MBP: variants seen among roughly 807,000 people sequenced by gnomAD.
The protein encoded by MBP is myelin basic protein, also known as Golli-MBP.
Under a neutral mutation model 35.8 loss-of-function variants are expected in MBP, and 16 were observed. The ratio of observed to expected loss-of-function variants is 0.45; its 90% CI spans 0.30 to 0.68. The LOEUF (loss-of-function observed/expected upper bound fraction) is 0.68. MBP is among the 30% of genes least tolerant of loss of function. The pLI is 0.08. For synonymous variants in MBP, 143 were observed against 159.6 expected (o/e 0.90, Z 0.78); for missense variants, 380 against 404.7 (o/e 0.94, Z 0.52).
chr18:77,081,821 C>CACACACTATAT (rs1974940422), intron 2 of MBP, among the ~76,000 whole-genome samples: 4 of 58,910 alleles, frequency 6.8e-5, no homozygotes, highest in Non-Finnish European at 1.4e-4. Context: ...CACATATATA[C>CACACACTATAT]ACACACACAC....
chr18:77,016,522 T>C, intron 4 of MBP: 4 of 1,227,856 alleles, frequency 3.3e-6, no homozygotes, highest in Non-Finnish European at 4.1e-6. Flanking sequence ...CCTGAGAATG[T>C]GGCTCTCTTT....
intron 1 of MBP, among the ~76,000 whole-genome samples, chr18:77,132,375 C>G (rs538100854): frequency 5.9e-5 from 9 of 152,052 alleles, no homozygotes; most frequent in South Asian, 4.1e-4. Flanking sequence ...CCACCTGCTC[C>G]GCTGCCTAGG....
chr18:77,093,690 G>A (rs914319375), intron 2 of MBP, among the ~76,000 whole-genome samples: 3 of 152,294 alleles, frequency 2.0e-5, no homozygotes, highest in East Asian at 1.9e-4. Context: ...GGTGAACCTC[G>A]TAAGATTGTT....
intron 1 of MBP, among the ~76,000 whole-genome samples, chr18:77,124,411 G>A (rs1418117143): frequency 6.6e-6 from 1 of 152,210 alleles, no homozygotes; most frequent in Non-Finnish European, 1.5e-5. Flanking sequence ...TAAATCGCTA[G>A]AATAACTCTT....
intron 3 of MBP, among the ~76,000 whole-genome samples, chr18:77,054,291 C>T (rs1047917600): frequency 6.6e-6 from 1 of 152,258 alleles, no homozygotes; most frequent in Admixed American, 6.5e-5. Context: ...AGCTGCACTT[C>T]TAAGTGGGAG....
rs976815809 is a variant in MBP at position 77,100,116 on chromosome 18, T to C, written c.51+5095A>G. On this transcript the variant is annotated intron_variant, in intron 2 of 8. Coordinates refer to ENST00000355994, the MANE Select transcript of MBP (RefSeq NM_001025101.2). ...CTCACTGCCTCACAACGTGACTGCA[T>C]TTGGAAATGGTGCCTTTAAAGAGGC... Among the ~76,000 whole-genome samples, 107 of 152,162 alleles carry C rather than the reference T, an allele frequency of 7.0e-4. 1 individual carries two copies. The highest frequency in any genetic ancestry group is 2.1e-3 in the African/African-American group (86 of 41,412).
At chr18:77,014,949 A>G in intron 4 of MBP, 5 of 984,374 alleles carry the variant, frequency 5.1e-6, no homozygotes, top group African/African-American at 1.7e-5. Context: ...AAAATTTTTG[A>G]AAGTGTTTTG....
intron 2 of MBP, chr18:77,068,847 G>T (rs1275247086): frequency 5.0e-6 from 2 of 401,342 alleles, no homozygotes; most frequent in Non-Finnish European, 9.9e-6. Flanking sequence ...CATTGCTAGA[G>T]ATGTGGTGGG....
At chr18:77,035,083 G>A (rs142575659) in intron 3 of MBP, among the ~76,000 whole-genome samples, 47 of 152,274 alleles carry the variant, frequency 3.1e-4, no homozygotes, top group African/African-American at 5.8e-4. Flanking sequence ...ACAGCTCCCC[G>A]GGCACCCAGC....
chr18:77,131,175 T>C lies in MBP; in HGVS notation c.-26+1405A>G, dbSNP rs2145279867. Among the ~76,000 whole-genome samples the C allele has an allele frequency of 6.6e-6, 1 of 150,848 alleles. No homozygotes were observed. Among genetic ancestry groups the C allele is most frequent in the South Asian group, 2.1e-4 (1 of 4,752 alleles). On this transcript the variant is annotated intron_variant, in intron 1 of 8. Coordinates refer to ENST00000355994, the MANE Select transcript of MBP (RefSeq NM_001025101.2). This position sits in a 1 kb window ranked among gnomAD's most constrained non-coding sequence, Gnocchi z 5.5. ...CTTCCTCCACTGAAGGGCGGCTGGGTTCCAGGCTCTCAGCCGTGACCACAG... is the reference window on the plus strand; with the variant it reads ...CTTCCTCCACTGAAGGGCGGCTGGGCTCCAGGCTCTCAGCCGTGACCACAG...
At chr18:76,999,704 C>T (rs908043374) in intron 4 of MBP, among the ~76,000 whole-genome samples, 6 of 152,124 alleles carry the variant, frequency 3.9e-5, no homozygotes, top group African/African-American at 1.4e-4. Context: ...CCACCTTGGC[C>T]TCCCAAAGTG....
At chr18:77,093,825 G>A (rs1975641627) in intron 2 of MBP, among the ~76,000 whole-genome samples, 1 of 152,180 alleles carries the variant, frequency 6.6e-6, no homozygotes. Context: ...CCTTAGGGGA[G>A]GCTGCTGGCT....
chr18:77,025,263 T>C (rs1216150785), intron 3 of MBP, among the ~76,000 whole-genome samples: 1 of 152,116 alleles, frequency 6.6e-6, no homozygotes, highest in Non-Finnish European at 1.5e-5. Context: ...CAGGGTAAAA[T>C]TGAACTGCAG....
At chr18:77,095,256 T>A (rs1975708831) in intron 2 of MBP, 1 of 152,222 alleles carries the variant, frequency 6.6e-6, no homozygotes, top group African/African-American at 2.4e-5. Flanking sequence ...TCAGGTGAGA[T>A]CAGTGAGTGT....
At chr18:77,023,129 T>C (rs1016500168) in intron 3 of MBP, among the ~76,000 whole-genome samples, 11 of 152,226 alleles carry the variant, frequency 7.2e-5, no homozygotes, top group African/African-American at 2.7e-4. Flanking sequence ...GGTGGTGATA[T>C]TCAAATCACT....
In MBP at chr18:77,010,056, G is replaced by A. The variant is rs1188752328; in HGVS notation, c.576+6776C>T. On this transcript the variant is annotated intron_variant, in intron 4 of 8. Coordinates refer to ENST00000355994, the MANE Select transcript of MBP (RefSeq NM_001025101.2). ...CAGAGTGAGGAGGAGTGAGCGGGGG[G>A]TGGAGGATGAAGGACGACAGGGAGA... is the stretch of plus-strand genomic sequence containing the variant. 23 of 658,036 alleles carry A rather than the reference G, an allele frequency of 3.5e-5. No homozygotes were observed. In the South Asian group the frequency reaches 3.8e-4, roughly 11 times the overall value. 40.8% of individuals were successfully genotyped at this position (658,036 alleles called of 1,614,324 possible).
chr18:77,111,462 G>A (rs182887446), intron 1 of MBP, among the ~76,000 whole-genome samples: 9 of 152,342 alleles, frequency 5.9e-5, no homozygotes, highest in Admixed American at 1.3e-4. Context: ...GAGGATTGTC[G>A]TGCCCCTTTG....
chr18:77,016,989 G>T lies in MBP; in HGVS notation c.419C>A (p.Pro140His), dbSNP rs1043002060. 1.2e-6 allele frequency: 2 copies of T among 1,613,972 alleles called. No homozygotes were observed. The highest frequency in any genetic ancestry group is 1.7e-6 in the Non-Finnish European group (2 of 1,180,028). Residue 140 changes from proline to histidine, a missense_variant, in exon 4 of 9, where the codon CCC (proline) becomes CAC (histidine). By Grantham distance (77) the Pro-to-His change is moderately conservative. Coordinates refer to ENST00000355994, the MANE Select transcript of MBP (RefSeq NM_001025101.2). Reference protein sequence around the residue: ...SLDVMASQKRPSQRHGSKYLA... With the variant: ...SLDVMASQKRHSQRHGSKYLA... ...GTACTTGGATCCGTGCCTCTGGGAG[G>T]GTCTCTTCTGTGACGCCATCACATC...
At chr18:77,067,436 C>A (rs973723567) in intron 2 of MBP, among the ~76,000 whole-genome samples, 1 of 152,236 alleles carries the variant, frequency 6.6e-6, no homozygotes, top group Non-Finnish European at 1.5e-5. Flanking sequence ...TTGCACAGCC[C>A]GCTAGCATTT....
Sources: gnomAD v4.1 joint callset for allele counts (sites outside exome capture counted in the v4.1 genomes callset) on GRCh38, gnomAD v4.1.1 for gene constraint, Gnocchi (gnomAD v3.1) non-coding constraint, MANE v1.5 for transcripts, NCBI Gene and HGNC (gene_info 2026-07-23, HGNC 2026-07-21) for gene names.